The following DCAF7 variants were observed in gnomAD, a reference collection of about 807,000 sequenced individuals.
The protein encoded by DCAF7 is DDB1- and CUL4-associated factor 7.
In DCAF7, 4 loss-of-function variants were observed where a neutral mutation model predicts 41.2. The observed-to-expected ratio is 0.10, with a 90% confidence interval of 0.05 to 0.22. DCAF7 has a LOEUF of 0.22. Among genes scored for constraint, DCAF7 ranks in the 10% least tolerant of loss-of-function variants. The probability of loss-of-function intolerance (pLI) is 1.00; values close to 1 mark genes in which losing one functional copy is unlikely to be tolerated. For synonymous variants in DCAF7, 143 were observed against 164.2 expected (o/e 0.87, Z 0.99); for missense variants, 131 against 443.2 (o/e 0.30, Z 6.32).
chr17:63,576,263 G>A (rs994005308), intron 1 of DCAF7, among the ~76,000 whole-genome samples: 39 of 152,180 alleles, frequency 2.6e-4, no homozygotes, highest in African/African-American at 8.4e-4. Context: ...CCAAAATGGT[G>A]AAGACCCTTC....
At chr17:63,552,804 G>T (rs1598023651) in intron 1 of DCAF7, among the ~76,000 whole-genome samples, 1 of 152,196 alleles carries the variant, frequency 6.6e-6, no homozygotes, top group East Asian at 1.9e-4. Context: ...ACCCCAGTTT[G>T]TCCTTTCATT....
At chr17:63,555,056 G>A (rs1412816476) in intron 1 of DCAF7, among the ~76,000 whole-genome samples, 1 of 152,142 alleles carries the variant, frequency 6.6e-6, no homozygotes, top group Non-Finnish European at 1.5e-5. Context: ...GCTTACCTAC[G>A]TAAGTCAGAT....
chr17:63,554,200 G>A (rs2033287358), intron 1 of DCAF7, among the ~76,000 whole-genome samples: 2 of 152,184 alleles, frequency 1.3e-5, no homozygotes, highest in South Asian at 4.1e-4. Context: ...GCCAGACCCT[G>A]TCTCAAAAAA....
chr17:63,587,847 G>T (rs928841344), intron 6 of DCAF7, among the ~76,000 whole-genome samples: 2 of 151,684 alleles, frequency 1.3e-5, no homozygotes, highest in African/African-American at 2.4e-5. Context: ...TAGGCCAGGT[G>T]CGGTGGTTCA....
intron 1 of DCAF7, among the ~76,000 whole-genome samples, chr17:63,566,513 A>G (rs937498317): frequency 2.6e-5 from 4 of 152,232 alleles, no homozygotes; most frequent in African/African-American, 9.6e-5. Context: ...ACATAACCAA[A>G]ACAACTGAAT....
intron 1 of DCAF7, among the ~76,000 whole-genome samples, chr17:63,557,504 CAA>C (rs574485259): frequency 3.0e-5 from 4 of 134,732 alleles, no homozygotes; most frequent in Non-Finnish European, 6.4e-5. Context: ...GTGAGACTGT[CAA>C]AAAAAAAAAG....
intron 1 of DCAF7, among the ~76,000 whole-genome samples, chr17:63,551,124 C>T (rs939013669): frequency 2.0e-5 from 3 of 152,188 alleles, no homozygotes; most frequent in African/African-American, 7.2e-5. Context: ...AAAGATACTC[C>T]ATTTATTCAT....
chr17:63,561,321 A>G (rs921246101), intron 1 of DCAF7, among the ~76,000 whole-genome samples: 2 of 152,216 alleles, frequency 1.3e-5, no homozygotes, highest in Admixed American at 6.5e-5. Context: ...AAGTCTTTAC[A>G]TATCTAAGAG....
At chr17:63,553,136 A>C (rs2033274976) in intron 1 of DCAF7, among the ~76,000 whole-genome samples, 1 of 152,232 alleles carries the variant, frequency 6.6e-6, no homozygotes, top group Non-Finnish European at 1.5e-5. Context: ...ATGTTTTTTA[A>C]AGTGGTGATG....
chr17:63,552,811 C>A (rs2033271593), intron 1 of DCAF7, among the ~76,000 whole-genome samples: 1 of 152,216 alleles, frequency 6.6e-6, no homozygotes, highest in Admixed American at 6.5e-5. Context: ...TTTGTCCTTT[C>A]ATTTAGCAAC....
intron 6 of DCAF7, 103 bp from the exon 7 acceptor site, chr17:63,588,897 T>A: frequency 6.3e-6 from 8 of 1,272,486 alleles, no homozygotes; most frequent in Non-Finnish European, 5.3e-6. Flanking sequence ...AGAACCGCCA[T>A]CACGGGGGTG....
chr17:63,580,576 T>A (rs1210723155), intron 4 of DCAF7, among the ~76,000 whole-genome samples: 3 of 133,552 alleles, frequency 2.2e-5, no homozygotes, highest in Non-Finnish European at 4.7e-5. Flanking sequence ...TGGAGTGCAA[T>A]GGCGCAATCT....
At position 63,581,885 on chromosome 17, in the gene DCAF7, G is replaced by A. The variant is rs148517333; in HGVS notation, c.529-1617G>A. On this transcript the variant is annotated intron_variant, in intron 4 of 6. Transcript: ENST00000614556. ...CATTGATACCTGGCAGATCAGTGTAGAAGAGGGTTTAGTGTACTTGGGAGT... is the reference window on the plus strand; with the variant it reads ...CATTGATACCTGGCAGATCAGTGTAAAAGAGGGTTTAGTGTACTTGGGAGT... Among the ~76,000 whole-genome samples, 703 of 152,324 alleles carry A rather than the reference G, an allele frequency of 4.6e-3. 3 individuals are homozygous for A. The highest frequency in any genetic ancestry group is 0.016 in the African/African-American group (658 of 41,556).
In DCAF7 at chr17:63,589,452, A is replaced by G. The variant is rs184771159; in HGVS notation, c.*280A>G. On this transcript the variant is annotated 3_prime_UTR_variant, in exon 7 of 7. Coordinates refer to ENST00000614556, the MANE Select transcript of DCAF7 (RefSeq NM_005828.5). ...TTCCTCAATTAAAAAATGTGTGTAT[A>G]TTTGTTTGTCAGGCGTTGTGTTGAG... is the stretch of plus-strand genomic sequence containing the variant. 7 of 458,222 alleles carry G rather than the reference A, an allele frequency of 1.5e-5. No individual in the cohort carries two copies. The highest frequency in any genetic ancestry group is 1.4e-4 in the African/African-American group (7 of 50,374). The allele number at this position is 458,222 out of a possible 1,614,324, so 28.4% of individuals were successfully genotyped here. A position where few individuals can be genotyped will look rare whatever the true frequency, so the allele number is the denominator to read the frequency against.
At chr17:63,585,398 G>A (rs1373882168) in intron 6 of DCAF7, 70 bp downstream of exon 6, 1 of 1,373,876 alleles carries the variant, frequency 7.3e-7, no homozygotes, top group Admixed American at 1.7e-5. Flanking sequence ...CCTTAGAATT[G>A]TAGTTGTTAC....
intron 1 of DCAF7, among the ~76,000 whole-genome samples, chr17:63,559,375 G>GTGTATATATATGTATATATATA (rs1281849704): frequency 7.4e-5 from 6 of 81,176 alleles, no homozygotes; most frequent in Admixed American, 2.3e-4. Context: ...ATATATATAT[G>GTGTATATATATGTATATATATA]TGTATATATA....
At chr17:63,586,760 CAA>C (rs973814309) in intron 6 of DCAF7, among the ~76,000 whole-genome samples, 12 of 103,440 alleles carry the variant, frequency 1.2e-4, no homozygotes, top group African/African-American at 1.1e-4. Flanking sequence ...GACCCCGTCT[CAA>C]AAAAAAAAAA....
rs190378144 is a variant in DCAF7 at position 63,554,094 on chromosome 17, A to G, written c.138+3279A>G. ...GTGGCATCTGCCTGTAGTACCAGCT[A>G]CTTGGGAAGCTGAGGTAGGAGGATG... On this transcript the variant is annotated intron_variant, in intron 1 of 6. Transcript: ENST00000614556. 2.4e-3 allele frequency among the ~76,000 whole-genome samples: 365 copies of G among 152,292 alleles called. 1 individual carries two copies. Among genetic ancestry groups the G allele is most frequent in the African/African-American group, 8.5e-3 (355 of 41,562 alleles).
chr17:63,580,395 T>G (rs1568104160), intron 4 of DCAF7, among the ~76,000 whole-genome samples: 2 of 152,110 alleles, frequency 1.3e-5, no homozygotes, highest in Non-Finnish European at 2.9e-5. Flanking sequence ...GTATGTTCAC[T>G]TAATCTTTAT....
Sources: allele counts gnomAD v4.1 joint callset (sites outside exome capture counted in the v4.1 genomes callset), GRCh38; gene constraint gnomAD v4.1.1; transcripts MANE v1.5; gene names NCBI Gene and HGNC (gene_info 2026-07-23, HGNC 2026-07-21).